CHEK1: variants seen among roughly 807,000 people sequenced by gnomAD.
CHEK1 encodes the protein serine/threonine-protein kinase Chk1.
Under a neutral mutation model 60.2 loss-of-function variants are expected in CHEK1, and 32 were observed. The observed-to-expected ratio is 0.53, with a 90% CI of 0.40 to 0.71. The LOEUF (loss-of-function observed/expected upper bound fraction) is 0.71, where lower values mean the gene tolerates loss of function less well. CHEK1 is among the 30% of genes least tolerant of loss of function. The probability of loss-of-function intolerance (pLI) is 0.00; values close to 1 mark genes in which losing one functional copy is unlikely to be tolerated. For missense variants in CHEK1, 399 were observed against 564.6 expected (o/e 0.71, Z 2.97); for synonymous variants, 179 against 187.2 (o/e 0.96, Z 0.36).
At chr11:125,680,050 G>C (rs1942723989), downstream of CHEK1, among the ~76,000 whole-genome samples, 1 of 152,206 alleles carries the variant, frequency 6.6e-6, no homozygotes, top group South Asian at 2.1e-4. Context: ...CTATCACCTG[G>C]TGGCTGTGTA....
downstream of CHEK1, among the ~76,000 whole-genome samples, chr11:125,678,978 T>TTTTATA (rs1555078664): frequency 4.5e-5 from 4 of 88,440 alleles, no homozygotes; most frequent in East Asian, 6.0e-4. Context: ...TCTAGGCATA[T>TTTTATA]TATATATATA....
At chr11:125,644,783 C>T (rs761134991) in intron 11 of CHEK1, 140 bp downstream of exon 11, 15 of 919,986 alleles carry the variant, frequency 1.6e-5, no homozygotes, top group East Asian at 8.7e-5. Context: ...CTGGGGTGGG[C>T]GGATCACCTG....
chr11:125,658,922 G>C, downstream of CHEK1, among the ~76,000 whole-genome samples: 1 of 152,082 alleles, frequency 6.6e-6, no homozygotes, highest in East Asian at 1.9e-4. Context: ...CTGGGCTCAA[G>C]TGATCATCCT....
intron 6 of CHEK1, 128 bp downstream of exon 6, chr11:125,633,479 C>A: frequency 1.2e-6 from 1 of 827,478 alleles, no homozygotes; most frequent in Non-Finnish European, 1.7e-6. Flanking sequence ...GAGACAGGGT[C>A]TCACTCTTGG....
intron 8 of CHEK1, chr11:125,643,138 G>C (rs533959386): frequency 1.3e-5 from 2 of 152,138 alleles, no homozygotes; most frequent in South Asian, 2.1e-4. Context: ...AGCCAGGTCT[G>C]TTGTCTTCAT....
rs558158994 is a variant in CHEK1, at chr11:125,629,144, T to C, written c.290-88T>C. The C allele has an allele frequency of 1.4e-5, 19 of 1,322,008 alleles. 1 individual carries two copies. In the African/African-American group the frequency reaches 1.5e-4, roughly 10 times the overall value. 81.9% of individuals were successfully genotyped at this position (1,322,008 alleles called of 1,614,324 possible). A position where few individuals can be genotyped will look rare whatever the true frequency, so the allele number is the denominator to read the frequency against. ...TTGCTTCTGTTTGCCTAAGCACATT[T>C]GTAAATGTCTAAGCTTCAAATTAAG... is the stretch of plus-strand genomic sequence containing the variant. On this transcript the variant is annotated intron_variant, in intron 3 of 12. Coordinates refer to ENST00000438015, the MANE Select transcript of CHEK1 (RefSeq NM_001114122.3).
intron 11 of CHEK1, among the ~76,000 whole-genome samples, chr11:125,645,677 G>A (rs781126726): frequency 2.0e-5 from 3 of 152,128 alleles, no homozygotes; most frequent in Non-Finnish European, 2.9e-5. Flanking sequence ...TTGTTCAAAG[G>A]AGAACAAGTG....
At chr11:125,663,019 G>C (rs1942044688) in intron 13 of CHEK1, among the ~76,000 whole-genome samples, 1 of 151,454 alleles carries the variant, frequency 6.6e-6, no homozygotes, top group South Asian at 2.1e-4. Context: ...TGTATCTTTG[G>C]TGAAATATCT....
chr11:125,644,821 C>T (rs1246171209), intron 11 of CHEK1, among the ~76,000 whole-genome samples, 178 bp downstream of exon 11: 1 of 152,046 alleles, frequency 6.6e-6, no homozygotes, highest in African/African-American at 2.4e-5. Context: ...CCAGCCTGGC[C>T]AACATGGTAA....
chr11:125,672,312 AAAG>A (rs1357108348), intron 13 of CHEK1: 1 of 287,884 alleles, frequency 3.5e-6, no homozygotes, highest in Non-Finnish European at 6.4e-6. Flanking sequence ...TGGGGGAAAA[AAAG>A]GTCTGTCTTG....
At chr11:125,639,406 ACAGGGTCTAGGCTGGAGTGC>A (rs1941196686) in intron 8 of CHEK1, among the ~76,000 whole-genome samples, 5 of 74,320 alleles carry the variant, frequency 6.7e-5, no homozygotes, top group Non-Finnish European at 1.0e-4. Flanking sequence ...TTTTTTTGAG[ACAGGGTCTAGGCTGGAGTGC>A]AGTGGCGCCA....
At chr11:125,634,835 A>G (rs1176061424) in intron 6 of CHEK1, among the ~76,000 whole-genome samples, 1 of 152,228 alleles carries the variant, frequency 6.6e-6, no homozygotes, top group African/African-American at 2.4e-5. Flanking sequence ...ACTTATTTAT[A>G]ATCCCAAAGA....
chr11:125,668,528 T>C (rs1410483682), intron 13 of CHEK1, among the ~76,000 whole-genome samples: 1 of 152,084 alleles, frequency 6.6e-6, no homozygotes, highest in Non-Finnish European at 1.5e-5. Context: ...ATTTCTCATT[T>C]TTAATTAATT....
In CHEK1 at chr11:125,629,391, G is replaced by T; in HGVS notation, c.355G>T (p.Val119Phe). ...RFFHQLMAGV[V>F]YLHGIGITHR... ...GTGTTTCTCTCTGCATCCCTCTTAGGTTTATCTGCATGGTATTGGAATAAC... is the reference window on the plus strand; with the variant it reads ...GTGTTTCTCTCTGCATCCCTCTTAGTTTTATCTGCATGGTATTGGAATAAC... The change falls in exon 5 of 13, where the codon GTT becomes TTT. Residue 119 changes from valine (V) to phenylalanine (F), a missense_variant and splice_region_variant. Val to Phe is a conservative substitution (Grantham distance 50). Transcript: ENST00000438015. The T allele has an allele frequency of 6.2e-7, 1 of 1,613,634 alleles. No homozygotes were observed. Among genetic ancestry groups the T allele is most frequent in the South Asian group, 1.1e-5 (1 of 91,056 alleles).
chr11:125,665,869 C>CTT (rs66560397), intron 13 of CHEK1, among the ~76,000 whole-genome samples: 744 of 30,454 alleles, frequency 0.024, 3 homozygotes, highest in East Asian at 0.036. Flanking sequence ...CTTCATTCCC[C>CTT]TTTTTTTTTT....
At chr11:125,632,556 A>T (rs774038162) in intron 5 of CHEK1, among the ~76,000 whole-genome samples, 1 of 152,186 alleles carries the variant, frequency 6.6e-6, no homozygotes, top group African/African-American at 2.4e-5. Context: ...TTCACTAAAC[A>T]TAAGTTAAGT....
chr11:125,677,657 TAGAG>T, downstream of CHEK1: 1 of 1,182,172 alleles, frequency 8.5e-7, no homozygotes, highest in South Asian at 1.6e-5. Context: ...TGACGAGAAC[TAGAG>T]AGACTTTGAG....
At chr11:125,676,226 C>G in exon 14 of CHEK1, 1 of 1,230,264 alleles carries the variant, frequency 8.1e-7, no homozygotes, top group Non-Finnish European at 1.1e-6. Flanking sequence ...TGTTCTTAGT[C>G]CTTGAAAAAA....
At chr11:125,674,708 T>G (rs973380747) in intron 13 of CHEK1, among the ~76,000 whole-genome samples, 2 of 152,248 alleles carry the variant, frequency 1.3e-5, no homozygotes, top group Non-Finnish European at 2.9e-5. Flanking sequence ...CTCTGCCTTT[T>G]CCTAGTAACA....
Sources: allele counts gnomAD v4.1 joint callset (sites outside exome capture counted in the v4.1 genomes callset), GRCh38; gene constraint gnomAD v4.1.1; transcripts MANE v1.5; gene names NCBI Gene and HGNC (gene_info 2026-07-23, HGNC 2026-07-21).